UPRT: variants seen among roughly 807,000 people sequenced by gnomAD.
UPRT encodes the protein RP11-311P8.3.
Under a neutral mutation model 22.6 loss-of-function variants are expected in UPRT, and 5 were observed. The ratio of observed to expected loss-of-function variants is 0.22; its 90% CI spans 0.12 to 0.47. The LOEUF is 0.47. Ranked by LOEUF, UPRT falls within the 20% of genes least tolerant of loss-of-function variation. The probability of loss-of-function intolerance (pLI) is 0.99; values close to 1 mark genes in which losing one functional copy is unlikely to be tolerated. For synonymous variants in UPRT, 77 were observed against 87.7 expected (o/e 0.88, Z 0.68); for missense variants, 181 against 239.9 (o/e 0.75, Z 1.62).
In UPRT at chrX:75,303,396, T is replaced by C; in HGVS notation, c.824-9T>C. The C allele has an allele frequency of 8.4e-7, 1 of 1,193,081 alleles. No individual in the cohort carries two copies. The highest frequency in any genetic ancestry group is 2.8e-4 in the Middle Eastern group (1 of 3,556). On this transcript the variant is annotated splice_polypyrimidine_tract_variant and intron_variant, in intron 6 of 6. Coordinates refer to ENST00000373383, the MANE Select transcript of UPRT (RefSeq NM_145052.4). ...ACATCCTACCATAATAACTTTTGTT[T>C]TTTTGAAGGTGCCAAATCAATCATT...
chrX:75,163,380 T>A (rs762030802), intron 3 of UPRT, among the ~76,000 whole-genome samples: 1 of 111,980 alleles, frequency 8.9e-6, no homozygotes, highest in African/African-American at 3.2e-5. Flanking sequence ...TAACTTAAAG[T>A]CAACTGATTC....
At chrX:75,244,113 T>C (rs2082496504) in intron 4 of UPRT, among the ~76,000 whole-genome samples, 1 of 110,781 alleles carries the variant, frequency 9.0e-6, no homozygotes, top group African/African-American at 3.3e-5. Context: ...ACCTGGAAAA[T>C]CAGACAAAAA....
chrX:75,293,532 A>T lies in UPRT; in HGVS notation c.429+18A>T. ...ATCGTTTGGTAGGTGGGGGCTTTTC[A>T]TTTTCATTTCATTGTTTTGCCTAGT... On this transcript the variant is annotated intron_variant, in intron 2 of 6. Transcript: ENST00000373383. 8.4e-7 allele frequency: 1 copy of T among 1,190,166 alleles called. No homozygotes were observed. The highest frequency in any genetic ancestry group is 1.9e-5 in the South Asian group (1 of 52,818).
At chrX:75,232,002 G>A (rs941347812) in intron 4 of UPRT, among the ~76,000 whole-genome samples, 1 of 111,931 alleles carries the variant, frequency 8.9e-6, no homozygotes, top group Admixed American at 9.5e-5. Context: ...GAAGCCGGGT[G>A]ATTTCTGCAT....
intron 4 of UPRT, among the ~76,000 whole-genome samples, chrX:75,195,589 GT>G (rs2082330560): frequency 8.9e-6 from 1 of 112,132 alleles, no homozygotes; most frequent in Non-Finnish European, 1.9e-5. Flanking sequence ...CATGAAGGTC[GT>G]GGGGTCTCCT....
At chrX:75,170,585 T>C (rs925397289) in intron 4 of UPRT, among the ~76,000 whole-genome samples, 4 of 111,825 alleles carry the variant, frequency 3.6e-5, no homozygotes, top group Non-Finnish European at 7.5e-5. Flanking sequence ...TCAATATTAG[T>C]ATTGAGATTT....
chrX:75,273,246 G>A (rs1278823551), upstream of UPRT, among the ~76,000 whole-genome samples: 1 of 109,681 alleles, frequency 9.1e-6, no homozygotes, highest in Non-Finnish European at 1.9e-5. Flanking sequence ...ATACCTGGGC[G>A]ATGAAATAAT....
intron 5 of UPRT, 50 bp downstream of exon 5, chrX:75,299,946 C>T: frequency 8.6e-7 from 1 of 1,159,451 alleles, no homozygotes; most frequent in Non-Finnish European, 1.2e-6. Flanking sequence ...TTAAATTCAA[C>T]TTAGTGCCTG....
chrX:75,247,858 ACTC>A (rs753165913), intron 4 of UPRT, among the ~76,000 whole-genome samples: 1 of 111,223 alleles, frequency 9.0e-6, no homozygotes, highest in African/African-American at 3.3e-5. Flanking sequence ...AGGGCCGGGT[ACTC>A]CTCTGAGACA....
intron 4 of UPRT, among the ~76,000 whole-genome samples, chrX:75,195,927 A>G (rs1208448517): frequency 4.5e-5 from 5 of 112,043 alleles, no homozygotes; most frequent in Non-Finnish European, 9.4e-5. Context: ...AAAACTTAAA[A>G]AATAAAATAC....
At chrX:75,162,244 G>T (rs2082202369) in intron 2 of UPRT, among the ~76,000 whole-genome samples, 1 of 109,674 alleles carries the variant, frequency 9.1e-6, no homozygotes, top group South Asian at 3.9e-4. Flanking sequence ...GAGCCACCAC[G>T]CCCAGCAGGT....
chrX:75,173,473 C>A (rs903372820), intron 4 of UPRT, among the ~76,000 whole-genome samples: 3 of 112,419 alleles, frequency 2.7e-5, no homozygotes, highest in African/African-American at 9.7e-5. Context: ...TGTTTACAAT[C>A]CTTGAGCTAG....
At chrX:75,180,241 C>G (rs1413117189) in intron 4 of UPRT, among the ~76,000 whole-genome samples, 1 of 112,343 alleles carries the variant, frequency 8.9e-6, no homozygotes, top group Non-Finnish European at 1.9e-5. Flanking sequence ...CAGCCCTCCC[C>G]AAGAACCTCT....
intron 4 of UPRT, among the ~76,000 whole-genome samples, chrX:75,171,354 T>C (rs938300902): frequency 4.5e-5 from 5 of 111,772 alleles, no homozygotes; most frequent in Non-Finnish European, 9.4e-5. Context: ...TTTTGCTTGT[T>C]CGATTCTATT....
chrX:75,159,098 C>A (rs1018945847), intron 1 of UPRT, among the ~76,000 whole-genome samples: 1 of 112,142 alleles, frequency 8.9e-6, no homozygotes, highest in Admixed American at 9.4e-5. Context: ...CATTGACCAA[C>A]CTCTTTTCAT....
Position 75,183,865 on chromosome X carries a change from G to T in UPRT, c.-447+15986G>T, listed in dbSNP as rs2082279782. On this transcript the variant is annotated intron_variant, in intron 4 of 13. Transcript: ENST00000652605. ...CATATCCTTCGCCCACTTATTGATG[G>T]GGTTGTTTGTTTTTTTCTTGCAAAT... Among the ~76,000 whole-genome samples the T allele has an allele frequency of 2.7e-5, 3 of 111,957 alleles. No individual in the cohort carries two copies. In the South Asian group the frequency reaches 1.1e-3, roughly 42 times the overall value.
At chrX:75,290,406 A>G (rs1454927350) in intron 1 of UPRT, among the ~76,000 whole-genome samples, 1 of 111,823 alleles carries the variant, frequency 8.9e-6, no homozygotes, top group Non-Finnish European at 1.9e-5. Flanking sequence ...GATTTCTCAA[A>G]TTATTAGAAA....
rs780036455 is a variant in UPRT at position 75,257,959 on chromosome X, G to A, written c.-446-33065G>A. 8.1e-5 allele frequency among the ~76,000 whole-genome samples: 9 copies of A among 110,663 alleles called. No homozygotes were observed. The South Asian group carries it at 1.2e-3, about 15-fold the overall frequency. On this transcript the variant is annotated intron_variant, in intron 4 of 13. Transcript: ENST00000652605. Reference sequence around the variant, plus strand: ...AGGGCAAGCTGAAGCAGGGTGAGGCGTCACCTCACCCAGGAAGCAAAATTG... The same window carrying A: ...AGGGCAAGCTGAAGCAGGGTGAGGCATCACCTCACCCAGGAAGCAAAATTG...
At chrX:75,252,351 A>G (rs1351311883) in intron 4 of UPRT, among the ~76,000 whole-genome samples, 1 of 112,211 alleles carries the variant, frequency 8.9e-6, no homozygotes, top group Non-Finnish European at 1.9e-5. Flanking sequence ...ACAAGAAAAA[A>G]ACAAACAACC....
Sources: gnomAD v4.1 joint callset for allele counts (sites outside exome capture counted in the v4.1 genomes callset) on GRCh38, gnomAD v4.1.1 for gene constraint, MANE v1.5 for transcripts, NCBI Gene and HGNC (gene_info 2026-07-23, HGNC 2026-07-21) for gene names.